Variants in RIPK1 observed in about 807,000 individuals in gnomAD.
RIPK1 encodes receptor-interacting serine/threonine-protein kinase 1.
Under a neutral mutation model 62.4 loss-of-function variants are expected in RIPK1, and 27 were observed. That is an observed-to-expected ratio of 0.43 (90% CI 0.32 to 0.60). The LOEUF (loss-of-function observed/expected upper bound fraction) is 0.60, where lower values mean the gene tolerates loss of function less well. Ranked by LOEUF, RIPK1 falls within the 20% of genes least tolerant of loss-of-function variation. The pLI is 0.07. For missense variants in RIPK1, 735 were observed against 831.0 expected, an observed-to-expected ratio of 0.88 and a Z score of 1.42; for synonymous variants, 287 against 303.2, an observed-to-expected ratio of 0.95 and a Z score of 0.55.
At chr6:3,066,912 C>T (rs1272921093), upstream of RIPK1, among the ~76,000 whole-genome samples, 1 of 152,148 alleles carries the variant, frequency 6.6e-6, no homozygotes, top group Non-Finnish European at 1.5e-5. Flanking sequence ...CCCTGCAAAT[C>T]CCTGGCAGCC....
chr6:3,067,740 C>CT (rs149016655), upstream of RIPK1, among the ~76,000 whole-genome samples: 30 of 147,420 alleles, frequency 2.0e-4, no homozygotes, highest in Admixed American at 3.4e-4. Context: ...TCCTGTTGTG[C>CT]TTTTTTTTTT....
At chr6:3,068,265 C>A, upstream of RIPK1, 6 of 985,570 alleles carry the variant, frequency 6.1e-6, no homozygotes, top group Non-Finnish European at 7.2e-6. Flanking sequence ...CTGTAATCCA[C>A]CCAGTGCTTC....
In RIPK1 at chr6:3,113,647, G is replaced by C. The variant is rs755731433; in HGVS notation, c.*308G>C. The C allele has an allele frequency of 3.5e-6, 1 of 289,212 alleles. No individual in the cohort carries two copies. Among genetic ancestry groups the C allele is most frequent in the Non-Finnish European group, 6.5e-6 (1 of 153,498 alleles). The allele number at this position is 289,212 out of a possible 1,614,324, so 17.9% of individuals were successfully genotyped here. A position where few individuals can be genotyped will look rare whatever the true frequency, so the allele number is the denominator to read the frequency against. ...GCCAACAATCCGCTCTGAGGAAAGC[G>C]TAAGCAGGAAGACCTCTTAATGGCA... On this transcript the variant is annotated 3_prime_UTR_variant, in exon 11 of 11. Transcript: ENST00000259808. This position sits in a 1 kb window ranked among gnomAD's most constrained non-coding sequence, Gnocchi z 5.0.
At chr6:3,094,500 TAACAA>T (rs1760180080) in intron 7 of RIPK1, among the ~76,000 whole-genome samples, 2 of 151,798 alleles carry the variant, frequency 1.3e-5, no homozygotes, top group East Asian at 3.9e-4. Context: ...CACTGAAGGC[TAACAA>T]AACACTACAT....
intron 7 of RIPK1, among the ~76,000 whole-genome samples, chr6:3,094,259 GAACA>G (rs1016746145): frequency 3.2e-4 from 48 of 152,100 alleles, no homozygotes; most frequent in Non-Finnish European, 3.2e-4. Context: ...GGCTTTTCAA[GAACA>G]TACAGAGCAT....
chr6:3,094,792 G>A (rs955917912), intron 7 of RIPK1, among the ~76,000 whole-genome samples: 5 of 152,082 alleles, frequency 3.3e-5, no homozygotes, highest in Admixed American at 3.3e-4. Context: ...GACTGATAGA[G>A]CCAGGTGTGA....
chr6:3,083,282 G>A lies in RIPK1; in HGVS notation c.657G>A (p.Trp219Ter). The change falls in exon 5 of 11, where the codon TGG (tryptophan) becomes TGA (stop). Residue 219 changes from tryptophan (W) to a stop codon, truncating the protein, a stop_gained. Transcript: ENST00000259808. LOFTEE classifies it high-confidence loss of function. ...TGTACAGCTTTGCTGTAGTACTCTGGGCGATATTTGCAAATAAGGAGCCAT... is the reference window on the plus strand; with the variant it reads ...TGTACAGCTTTGCTGTAGTACTCTGAGCGATATTTGCAAATAAGGAGCCAT... Reference protein sequence around the residue: ...SDVYSFAVVLWAIFANKEPYE... With the variant: ...SDVYSFAVVL 6.2e-7 allele frequency: 1 copy of A among 1,613,396 alleles called. No homozygotes were observed. The highest frequency in any genetic ancestry group is 8.5e-7 in the Non-Finnish European group (1 of 1,179,954).
At chr6:3,078,787 T>A (rs1293163128) in intron 3 of RIPK1, among the ~76,000 whole-genome samples, 1 of 152,240 alleles carries the variant, frequency 6.6e-6, no homozygotes, top group African/African-American at 2.4e-5. Flanking sequence ...AAAACATTTT[T>A]AAAAGCTTAT....
At chr6:3,101,565 T>C (rs1421312881) in intron 7 of RIPK1, among the ~76,000 whole-genome samples, 3 of 152,272 alleles carry the variant, frequency 2.0e-5, no homozygotes, top group South Asian at 2.1e-4. Flanking sequence ...TTCATTTAGC[T>C]AGTATTTTTG....
chr6:3,087,064 A>G (rs17513109), intron 6 of RIPK1, among the ~76,000 whole-genome samples: 13 of 152,230 alleles, frequency 8.5e-5, no homozygotes, highest in Non-Finnish European at 1.9e-4. Flanking sequence ...ACTTTCCTTA[A>G]TCATTCTTTT....
At chr6:3,112,508 C>A (rs1367352191) in intron 10 of RIPK1, among the ~76,000 whole-genome samples, 1 of 152,142 alleles carries the variant, frequency 6.6e-6, no homozygotes, top group Non-Finnish European at 1.5e-5. Flanking sequence ...GATGTGTCTA[C>A]TAGGAGGAAG....
At chr6:3,070,104 A>G (rs565303769) in intron 1 of RIPK1, among the ~76,000 whole-genome samples, 1 of 152,372 alleles carries the variant, frequency 6.6e-6, no homozygotes, top group South Asian at 2.1e-4. Flanking sequence ...TTTGGAGTGT[A>G]TCATTATTAC....
At position 3,113,467 on chromosome 6, in the gene RIPK1, T is replaced by G. The variant is rs1761269167; in HGVS notation, c.*128T>G. On this transcript the variant is annotated 3_prime_UTR_variant, in exon 11 of 11. Coordinates refer to ENST00000259808, the MANE Select transcript of RIPK1 (RefSeq NM_001354930.2). The surrounding 1 kb of genome is among the most constrained non-coding windows in gnomAD (Gnocchi z 5.0). ...GGTTCTGTGTCTGCAGAAATTTTGT[T>G]TCCTGTACTTCATAGCTGGAGAATG... is the stretch of plus-strand genomic sequence containing the variant. 3.7e-6 allele frequency: 3 copies of G among 810,396 alleles called. No homozygotes were observed. The highest frequency in any genetic ancestry group is 3.5e-5 in the African/African-American group (2 of 57,716). The allele number at this position is 810,396 out of a possible 1,614,324, so 50.2% of individuals were successfully genotyped here.
At position 3,085,091 on chromosome 6, in the gene RIPK1, G is replaced by C. The variant is rs1285530499; in HGVS notation, c.689-168G>C. Among the ~76,000 whole-genome samples the C allele has an allele frequency of 2.0e-5, 3 of 152,134 alleles. No homozygotes were observed. In the East Asian group the frequency reaches 5.8e-4, roughly 29 times the overall value. On this transcript the variant is annotated intron_variant, in intron 5 of 10. Coordinates refer to ENST00000259808, the MANE Select transcript of RIPK1 (RefSeq NM_001354930.2). ...ATCTGCAGACATTAAGATATTGTTT[G>C]GTCATCTCTGTAGTGGAATATGTCA...
Position 3,113,082 on chromosome 6 carries a change from C to T in RIPK1, c.1759C>T (p.Leu587=). Residue 587 remains leucine (L), a synonymous_variant, in exon 11 of 11, where the codon CTG becomes TTG. Transcript: ENST00000259808. The surrounding 1 kb of genome is among the most constrained non-coding windows in gnomAD (Gnocchi z 5.0). The part of the protein sequence containing the change: ...DNTTSLTDKH[L]DPIRENLGKH... ...TACCACTAGTCTGACGGATAAACAC[C>T]TGGACCCAATCAGGGAAAATCTGGG... 1.3e-6 allele frequency: 2 copies of T among 1,588,090 alleles called. No homozygotes were observed. Among genetic ancestry groups the T allele is most frequent in the Non-Finnish European group, 1.7e-6 (2 of 1,165,086 alleles).
Position 3,079,161 on chromosome 6 carries a change from C to T in RIPK1, c.321+1226C>T, listed in dbSNP as rs543371209. Among the ~76,000 whole-genome samples, 4 of 152,210 alleles carry T rather than the reference C, an allele frequency of 2.6e-5. No homozygotes were observed. In the East Asian group the frequency reaches 7.7e-4, roughly 29 times the overall value. On this transcript the variant is annotated intron_variant, in intron 3 of 10. Transcript: ENST00000259808. ...ATGGTGCAATCTCGGCTCACTGCAA[C>T]CTCCACCTCCCTGGTTCAAGCAACT...
Position 3,113,714 on chromosome 6 carries a change from G to A in RIPK1, c.*375G>A, listed in dbSNP as rs1039057446. 2 of 166,744 alleles carry A rather than the reference G, an allele frequency of 1.2e-5. No homozygotes were observed. Among genetic ancestry groups the A allele is most frequent in the Non-Finnish European group, 2.6e-5 (2 of 77,894 alleles). The allele number at this position is 166,744 out of a possible 1,614,324, so 10.3% of individuals were successfully genotyped here. ...ATGACTCCTAGTTGTGTTTGGAAAG[G>A]GAGAGAAGAGATGTCTGAGGAAGGT... On this transcript the variant is annotated 3_prime_UTR_variant, in exon 11 of 11. Coordinates refer to ENST00000259808, the MANE Select transcript of RIPK1 (RefSeq NM_001354930.2). This position sits in a 1 kb window ranked among gnomAD's most constrained non-coding sequence, Gnocchi z 5.0.
chr6:3,069,726 AC>A (rs1321975249), intron 1 of RIPK1, among the ~76,000 whole-genome samples: 2 of 152,198 alleles, frequency 1.3e-5, no homozygotes, highest in African/African-American at 4.8e-5. Flanking sequence ...AATGTGGAAT[AC>A]TGCGTCGGGC....
intron 1 of RIPK1, among the ~76,000 whole-genome samples, chr6:3,076,280 A>T (rs951453314): frequency 6.6e-6 from 1 of 152,220 alleles, no homozygotes; most frequent in African/African-American, 2.4e-5. Context: ...ATTCTTAAAA[A>T]TATGAAAAAT....
Sources: allele counts gnomAD v4.1 joint callset (sites outside exome capture counted in the v4.1 genomes callset), GRCh38; gene constraint gnomAD v4.1.1; non-coding constraint Gnocchi (gnomAD v3.1); transcripts MANE v1.5; gene names NCBI Gene and HGNC (gene_info 2026-07-23, HGNC 2026-07-21).